Variants in PHF3 observed in about 807,000 individuals in gnomAD.
PHF3 encodes PHD finger protein 3.
PHF3 carries 41 observed loss-of-function variants against 178.4 expected under a neutral mutation model. That is an observed-to-expected ratio of 0.23 (90% CI 0.18 to 0.30). The LOEUF (loss-of-function observed/expected upper bound fraction) is 0.30, where lower values mean the gene tolerates loss of function less well. PHF3 is among the 10% of genes least tolerant of loss of function. The probability of loss-of-function intolerance (pLI) is 1.00; values close to 1 mark genes in which losing one functional copy is unlikely to be tolerated. For synonymous variants in PHF3, 842 were observed against 800.5 expected, an observed-to-expected ratio of 1.05 and a Z score of -0.88; for missense variants, 2,346 against 2,398.1, an observed-to-expected ratio of 0.98 and a Z score of 0.45.
rs1765441412 is a variant in PHF3 at position 63,660,939 on chromosome 6, G to GA, written c.244+14144_244+14145insA. The stretch of plus-strand genomic sequence containing the variant: ...ATAGGCATATCTGTGTTGTCCCTGT[G>GA]GAACTTGAGGAGACAGGGTTATCTT... On this transcript the variant is annotated intron_variant, in intron 2 of 15. Transcript: ENST00000262043. 4.6e-5 allele frequency among the ~76,000 whole-genome samples: 7 copies of GA among 152,290 alleles called. No individual in the cohort carries two copies. The East Asian group carries it at 7.7e-4, about 17-fold the overall frequency.
At chr6:63,676,705 G>T (rs955965700) in intron 2 of PHF3, among the ~76,000 whole-genome samples, 1 of 152,184 alleles carries the variant, frequency 6.6e-6, no homozygotes, top group Non-Finnish European at 1.5e-5. Flanking sequence ...GTCTAAATGT[G>T]TTGGGAAGGT....
chr6:63,653,873 G>A (rs1321925927), intron 2 of PHF3, among the ~76,000 whole-genome samples: 1 of 152,092 alleles, frequency 6.6e-6, no homozygotes, highest in Non-Finnish European at 1.5e-5. Flanking sequence ...CGCTTTTCCT[G>A]TGTCTATTGA....
In PHF3 at chr6:63,714,360, A is replaced by T. The variant is rs1430798576; in HGVS notation, c.*652A>T. ...CAGAAACTTGAATACTTAAGCTTGT[A>T]CATGATCTTGTGTTTTGCTATCCTT... On this transcript the variant is annotated 3_prime_UTR_variant, in exon 16 of 16. Transcript: ENST00000262043. The T allele has an allele frequency of 6.6e-6, 1 of 152,582 alleles. No homozygotes were observed. The highest frequency in any genetic ancestry group is 2.4e-5 in the African/African-American group (1 of 41,436). The allele number at this position is 152,582 out of a possible 1,614,324, so 9.5% of individuals were successfully genotyped here.
In PHF3 at chr6:63,704,916, C is replaced by T. The variant is rs150247924; in HGVS notation, c.3368-1113C>T. ...CAGCAATGAATGAGAGTTCCTGTTG[C>T]TCTACATCTTTGCTAGCATTTGGTA... On this transcript the variant is annotated intron_variant, in intron 11 of 15. Transcript: ENST00000262043. 3.9e-3 allele frequency among the ~76,000 whole-genome samples: 601 copies of T among 152,284 alleles called. 4 individuals carry two copies. The highest frequency in any genetic ancestry group is 0.017 in the Middle Eastern group (5 of 294).
chr6:63,647,136 T>C (rs1176911178), intron 2 of PHF3, among the ~76,000 whole-genome samples: 10 of 152,022 alleles, frequency 6.6e-5, no homozygotes, highest in Non-Finnish European at 1.5e-4. Flanking sequence ...TGGGACTCTT[T>C]AGTAAATAGG....
intron 2 of PHF3, among the ~76,000 whole-genome samples, chr6:63,660,647 G>A (rs766522208): frequency 3.3e-5 from 5 of 152,088 alleles, no homozygotes; most frequent in Non-Finnish European, 7.4e-5. Context: ...TACTGGGAGA[G>A]GTTGTCTGCC....
chr6:63,686,043 C>T (rs1215624693), intron 4 of PHF3, 132 bp downstream of exon 4: 1 of 618,402 alleles, frequency 1.6e-6, no homozygotes, highest in East Asian at 2.7e-5. Context: ...CAAAAAGCTT[C>T]ATCAGTCTTG....
At chr6:63,654,225 A>G (rs1480314596) in intron 2 of PHF3, among the ~76,000 whole-genome samples, 2 of 152,202 alleles carry the variant, frequency 1.3e-5, no homozygotes, top group Non-Finnish European at 2.9e-5. Flanking sequence ...AGAATTCTGC[A>G]GTGAAGACTG....
At chr6:63,657,490 T>TA (rs1765286823) in intron 2 of PHF3, among the ~76,000 whole-genome samples, 1 of 152,192 alleles carries the variant, frequency 6.6e-6, no homozygotes, top group Admixed American at 6.5e-5. Flanking sequence ...ACTGTATTCT[T>TA]ACAATAAAGT....
In PHF3 at chr6:63,684,840, G is replaced by A. The variant is rs767492096; in HGVS notation, c.1118G>A (p.Cys373Tyr). ...LPSCVDEVTE[C>Y]NLELKDTMGI... The stretch of plus-strand genomic sequence containing the variant: ...AGTTGTGTAGATGAAGTGACTGAAT[G>A]TAATTTGGAATTGAAGGATACCATG... The change falls in exon 4 of 16, where the codon TGT (cysteine) becomes TAT (tyrosine). Residue 373 changes from cysteine (C) to tyrosine (Y), a missense_variant. Cys to Tyr is a radical substitution (Grantham distance 194). This residue lies in a region of PHF3 where 843 missense variants were observed against 795.2 expected (regional missense o/e 1.06). Transcript: ENST00000262043. The A allele has an allele frequency of 1.2e-6, 2 of 1,613,810 alleles. No homozygotes were observed. Among genetic ancestry groups the A allele is most frequent in the South Asian group, 1.1e-5 (1 of 91,088 alleles).
chr6:63,661,829 G>C (rs767530551), intron 2 of PHF3, among the ~76,000 whole-genome samples: 7 of 152,176 alleles, frequency 4.6e-5, no homozygotes, highest in Non-Finnish European at 1.0e-4. Flanking sequence ...GTATGAGATT[G>C]CATAAATTTA....
intron 2 of PHF3, among the ~76,000 whole-genome samples, chr6:63,672,312 A>G (rs1561954981): frequency 6.6e-6 from 1 of 152,234 alleles, no homozygotes. Flanking sequence ...TTCTCCACAG[A>G]CACAGATACT....
intron 2 of PHF3, among the ~76,000 whole-genome samples, chr6:63,672,808 G>T (rs562083187): frequency 6.6e-6 from 1 of 152,142 alleles, no homozygotes; most frequent in Admixed American, 6.5e-5. Flanking sequence ...AATCCCAGCC[G>T]CCATACTTGA....
Position 63,684,350 on chromosome 6 carries a change from G to A in PHF3, c.628G>A (p.Val210Ile), listed in dbSNP as rs532045428. The A allele has an allele frequency of 3.7e-6, 6 of 1,613,898 alleles. No individual in the cohort carries two copies. The highest frequency in any genetic ancestry group is 3.3e-5 in the Admixed American group (2 of 60,010). ...CSRNSGQIEV[V>I]PEVSVSSSHS... ...CCGAAATAGCGGACAAATTGAAGTGGTACCTGAAGTATCAGTGTCTTCAAG... is the reference window on the plus strand; with the variant it reads ...CCGAAATAGCGGACAAATTGAAGTGATACCTGAAGTATCAGTGTCTTCAAG... Residue 210 changes from valine (V) to isoleucine (I), a missense_variant, in exon 4 of 16, where the codon GTA becomes ATA. By Grantham distance (29) the Val-to-Ile change is conservative. This residue lies in a region of PHF3 where 843 missense variants were observed against 795.2 expected (regional missense o/e 1.06). Coordinates refer to ENST00000262043, the MANE Select transcript of PHF3 (RefSeq NM_001370348.2).
At chr6:63,666,449 A>ATT in intron 2 of PHF3, among the ~76,000 whole-genome samples, 1 of 147,482 alleles carries the variant, frequency 6.8e-6, no homozygotes, top group East Asian at 2.0e-4. Flanking sequence ...GTTTGTCAGC[A>ATT]TTTTTTTTTT....
intron 2 of PHF3, among the ~76,000 whole-genome samples, chr6:63,670,388 C>T (rs1241949955): frequency 6.6e-6 from 1 of 152,172 alleles, no homozygotes; most frequent in East Asian, 1.9e-4. Context: ...CCTGCCTCAA[C>T]CTCCCAAGTA....
intron 1 of PHF3, among the ~76,000 whole-genome samples, chr6:63,645,067 A>G (rs1764728309): frequency 2.0e-5 from 3 of 150,390 alleles, no homozygotes; most frequent in South Asian, 4.2e-4. Context: ...TTTTTTTTGT[A>G]GAGACGGGGT....
At chr6:63,697,346 G>A (rs1376252763) in intron 6 of PHF3, among the ~76,000 whole-genome samples, 1 of 152,048 alleles carries the variant, frequency 6.6e-6, no homozygotes, top group Admixed American at 6.5e-5. Flanking sequence ...TGAGAAGGAG[G>A]TATTGTTGGT....
At position 63,720,801 on chromosome 6, in the gene PHF3, A is replaced by G. The variant is rs1421690807; in HGVS notation, c.*7093A>G. The G allele has an allele frequency of 1.3e-6, 2 of 1,551,154 alleles. No individual in the cohort carries two copies. Among genetic ancestry groups the G allele is most frequent in the Admixed American group, 3.9e-5 (2 of 50,968 alleles). On this transcript the variant is annotated 3_prime_UTR_variant, in exon 16 of 16. Transcript: ENST00000262043. ...ACAAATGCCATCATAGTTTAGAGCC[A>G]CAAAGTTTTTATGTGGATCAATATC...
Sources: allele counts gnomAD v4.1 joint callset (sites outside exome capture counted in the v4.1 genomes callset), GRCh38; gene constraint gnomAD v4.1.1; regional missense constraint gnomAD v4.1.1; transcripts MANE v1.5; gene names NCBI Gene and HGNC (gene_info 2026-07-23, HGNC 2026-07-21).